ATP6V1G2: variants seen among roughly 807,000 people sequenced by gnomAD.
The protein encoded by ATP6V1G2 is ATPase H+ transporting V1 subunit G2.
A neutral mutation model predicts 17.8 loss-of-function variants in ATP6V1G2; 14 were observed. The observed-to-expected ratio is 0.79, with a 90% CI of 0.52 to 1.23. The LOEUF is 1.23. Ranked by LOEUF, ATP6V1G2 falls within the 50% of genes most tolerant of loss-of-function variation. The probability of loss-of-function intolerance (pLI) is 0.00; values close to 1 mark genes in which losing one functional copy is unlikely to be tolerated. For synonymous variants in ATP6V1G2, 57 were observed against 54.8 expected, an observed-to-expected ratio of 1.04 and a Z score of -0.17; for missense variants, 112 against 152.2, an observed-to-expected ratio of 0.74 and a Z score of 1.39.
Position 31,545,994 on chromosome 6 carries a change from C to T in ATP6V1G2, c.183+115G>A, listed in dbSNP as rs1768953102. 2.0e-6 allele frequency: 2 copies of T among 1,018,028 alleles called. No individual in the cohort carries two copies. The highest frequency in any genetic ancestry group is 1.3e-5 in the South Asian group (1 of 76,300). The allele number at this position is 1,018,028 out of a possible 1,614,324, so 63.1% of individuals were successfully genotyped here. ...CAATGTTGTGGTCCCTGCCAGGGTC[C>T]CCTCAGCCTCAGCCCTCTGCCACCA... On this transcript the variant is annotated intron_variant, in intron 2 of 2. Transcript: ENST00000303892. This position sits in a 1 kb window ranked among gnomAD's most constrained non-coding sequence, Gnocchi z 4.9.
rs2150354471 is a variant in ATP6V1G2 at position 31,545,324 on chromosome 6, A to G, written c.*84T>C. ...GATTTCTAGGGGATGGAAAGAAGAC[A>G]GGGATTATGGTGGGAGGTGATTTTG... On this transcript the variant is annotated 3_prime_UTR_variant, in exon 3 of 3. Coordinates refer to ENST00000303892, the MANE Select transcript of ATP6V1G2 (RefSeq NM_130463.4). This position sits in a 1 kb window ranked among gnomAD's most constrained non-coding sequence, Gnocchi z 4.9. The G allele has an allele frequency of 6.9e-7, 1 of 1,451,702 alleles. No individual in the cohort carries two copies. Among genetic ancestry groups the G allele is most frequent in the African/African-American group, 1.4e-5 (1 of 71,274 alleles). 89.9% of individuals were successfully genotyped at this position (1,451,702 alleles called of 1,614,324 possible).
Position 31,544,581 on chromosome 6 carries a change from T to G in ATP6V1G2, c.*827A>C, listed in dbSNP as rs1768806405. The G allele has an allele frequency of 2.5e-6, 1 of 395,586 alleles. No homozygotes were observed. Among genetic ancestry groups the G allele is most frequent in the Admixed American group, 3.1e-5 (1 of 31,954 alleles). 24.5% of individuals were successfully genotyped at this position (395,586 alleles called of 1,614,324 possible). On this transcript the variant is annotated 3_prime_UTR_variant, in exon 3 of 3. Coordinates refer to ENST00000303892, the MANE Select transcript of ATP6V1G2 (RefSeq NM_130463.4). The stretch of plus-strand genomic sequence containing the variant: ...AGGGAACACAGTATCATTTTAGATC[T>G]TAGAAAGCAATGAGCATCTGATAAG...
Position 31,545,690 on chromosome 6 carries a change from TCTCAGAAACCA to T in ATP6V1G2, c.184-120_184-110del, listed in dbSNP as rs1768923764. 2 of 1,227,124 alleles carry T rather than the reference TCTCAGAAACCA, an allele frequency of 1.6e-6. No homozygotes were observed. Among genetic ancestry groups the T allele is most frequent in the Non-Finnish European group, 2.2e-6 (2 of 900,012 alleles). The allele number at this position is 1,227,124 out of a possible 1,614,324, so 76.0% of individuals were successfully genotyped here. A position where few individuals can be genotyped will look rare whatever the true frequency, so the allele number is the denominator to read the frequency against. The stretch of plus-strand genomic sequence containing the variant: ...GAAACAAAGCCTAGAAGAAAGGCCC[TCTCAGAAACCA>T]CCCCCATCCCACAGAAATATCCCAA... On this transcript the variant is annotated intron_variant, in intron 2 of 2. Transcript: ENST00000303892. This position sits in a 1 kb window ranked among gnomAD's most constrained non-coding sequence, Gnocchi z 4.9.
In ATP6V1G2 at chr6:31,545,536, T is replaced by C. The variant is rs1289443497; in HGVS notation, c.229A>G (p.Thr77Ala). ...GNLSAEVEQA[T>A]RRQVQGMQSS... ...TGCATGCCCTGCACCTGGCGCCTTG[T>C]AGCCTGCTCCACCTCAGCAGACAGG... Residue 77 changes from threonine (T) to alanine (A), a missense_variant, in exon 3 of 3, where the codon ACA (threonine) becomes GCA (alanine). Coordinates refer to ENST00000303892, the MANE Select transcript of ATP6V1G2 (RefSeq NM_130463.4). This position sits in a 1 kb window ranked among gnomAD's most constrained non-coding sequence, Gnocchi z 4.9. The C allele has an allele frequency of 2.5e-6, 4 of 1,614,018 alleles. No individual in the cohort carries two copies. The highest frequency in any genetic ancestry group is 3.4e-6 in the Non-Finnish European group (4 of 1,179,980).
chr6:31,546,205 C>T lies in ATP6V1G2; in HGVS notation c.87G>A (p.Lys29=). 2 of 1,613,954 alleles carry T rather than the reference C, an allele frequency of 1.2e-6. No individual in the cohort carries two copies. Among genetic ancestry groups the T allele is most frequent in the Non-Finnish European group, 1.7e-6 (2 of 1,179,988 alleles). Reference sequence around the variant, plus strand: ...CCTTTGCCTGCTTCAGTCGCCGGGCCTTCCCTGGAGGCAGAAGAAAGGACA... The same window carrying T: ...CCTTTGCCTGCTTCAGTCGCCGGGCTTTCCCTGGAGGCAGAAGAAAGGACA... The part of the protein sequence containing the change: ...AEKVADARKR[K]ARRLKQAKEE... Residue 29 remains lysine, a synonymous_variant, in exon 2 of 3, where the codon AAG becomes AAA. Transcript: ENST00000303892. This position sits in a 1 kb window ranked among gnomAD's most constrained non-coding sequence, Gnocchi z 4.1.
At position 31,546,226 on chromosome 6, in the gene ATP6V1G2, G is replaced by T. The variant is rs777244593; in HGVS notation, c.83-17C>A. ...GGGCCTTCCCTGGAGGCAGAAGAAA[G>T]GACAGTGAGTGGGGATGGACCCACA... On this transcript the variant is annotated splice_polypyrimidine_tract_variant and intron_variant, in intron 1 of 2. Transcript: ENST00000303892. This position sits in a 1 kb window ranked among gnomAD's most constrained non-coding sequence, Gnocchi z 4.1. The T allele has an allele frequency of 6.2e-7, 1 of 1,611,382 alleles. No individual in the cohort carries two copies. Among genetic ancestry groups the T allele is most frequent in the South Asian group, 1.1e-5 (1 of 91,044 alleles).
rs879470278 is a variant in ATP6V1G2 at position 31,545,255 on chromosome 6, T to C, written c.*153A>G. The stretch of plus-strand genomic sequence containing the variant: ...CAAGGAGATTCAGATGTGAGCAGGA[T>C]ATTTATAAGTGTCACAGGAAAATTA... On this transcript the variant is annotated 3_prime_UTR_variant, in exon 3 of 3. Transcript: ENST00000303892. This position sits in a 1 kb window ranked among gnomAD's most constrained non-coding sequence, Gnocchi z 4.9. The C allele has an allele frequency of 4.6e-5, 40 of 878,694 alleles. No homozygotes were observed. The East Asian group carries it at 1.0e-3, about 23-fold the overall frequency. 54.4% of individuals were successfully genotyped at this position (878,694 alleles called of 1,614,324 possible). A position where few individuals can be genotyped will look rare whatever the true frequency, so the allele number is the denominator to read the frequency against.
Position 31,545,305 on chromosome 6 carries a change from T to TA in ATP6V1G2, c.*102dup. ...ATTGGATCCTGCCTCCCAGGATTTC[T>TA]AGGGGATGGAAAGAAGACAGGGATT... is the stretch of plus-strand genomic sequence containing the variant. On this transcript the variant is annotated 3_prime_UTR_variant, in exon 3 of 3. Coordinates refer to ENST00000303892, the MANE Select transcript of ATP6V1G2 (RefSeq NM_130463.4). The surrounding 1 kb of genome is among the most constrained non-coding windows in gnomAD (Gnocchi z 4.9). 10 of 1,349,978 alleles carry TA rather than the reference T, an allele frequency of 7.4e-6. No homozygotes were observed. Among genetic ancestry groups the TA allele is most frequent in the Non-Finnish European group, 9.1e-6 (9 of 993,228 alleles). The allele number at this position is 1,349,978 out of a possible 1,614,324, so 83.6% of individuals were successfully genotyped here.
rs1015822774 is a variant in ATP6V1G2 at position 31,545,750 on chromosome 6, C to G, written c.184-169G>C. 2 of 742,664 alleles carry G rather than the reference C, an allele frequency of 2.7e-6. No individual in the cohort carries two copies. The highest frequency in any genetic ancestry group is 4.3e-6 in the Non-Finnish European group (2 of 466,016). The allele number at this position is 742,664 out of a possible 1,614,324, so 46.0% of individuals were successfully genotyped here. ...AACACCAAAGAGATCAACACAGTCC[C>G]CTTTCCCCTTAGACCTAACATGCAA... On this transcript the variant is annotated intron_variant, in intron 2 of 2. Transcript: ENST00000303892. This position sits in a 1 kb window ranked among gnomAD's most constrained non-coding sequence, Gnocchi z 4.9.
chr6:31,545,251 A>G lies in ATP6V1G2; in HGVS notation c.*157T>C. On this transcript the variant is annotated 3_prime_UTR_variant, in exon 3 of 3. Coordinates refer to ENST00000303892, the MANE Select transcript of ATP6V1G2 (RefSeq NM_130463.4). The surrounding 1 kb of genome is among the most constrained non-coding windows in gnomAD (Gnocchi z 4.9). ...ACAACAAGGAGATTCAGATGTGAGC[A>G]GGATATTTATAAGTGTCACAGGAAA... is the stretch of plus-strand genomic sequence containing the variant. 1.2e-6 allele frequency: 1 copy of G among 847,582 alleles called. No homozygotes were observed. The highest frequency in any genetic ancestry group is 1.8e-6 in the Non-Finnish European group (1 of 552,624). The allele number at this position is 847,582 out of a possible 1,614,324, so 52.5% of individuals were successfully genotyped here. A position where few individuals can be genotyped will look rare whatever the true frequency, so the allele number is the denominator to read the frequency against.
chr6:31,546,233 G>A lies in ATP6V1G2; in HGVS notation c.83-24C>T, dbSNP rs1427856874. 2 of 1,600,500 alleles carry A rather than the reference G, an allele frequency of 1.2e-6. No individual in the cohort carries two copies. The highest frequency in any genetic ancestry group is 4.5e-5 in the East Asian group (2 of 44,836). On this transcript the variant is annotated intron_variant, in intron 1 of 2. Coordinates refer to ENST00000303892, the MANE Select transcript of ATP6V1G2 (RefSeq NM_130463.4). The surrounding 1 kb of genome is among the most constrained non-coding windows in gnomAD (Gnocchi z 4.1). ...CCCTGGAGGCAGAAGAAAGGACAGT[G>A]AGTGGGGATGGACCCACACACACAC... is the stretch of plus-strand genomic sequence containing the variant.
rs1768861550 is a variant in ATP6V1G2, at chr6:31,545,139, A to G, written c.*269T>C. On this transcript the variant is annotated 3_prime_UTR_variant, in exon 3 of 3. Coordinates refer to ENST00000303892, the MANE Select transcript of ATP6V1G2 (RefSeq NM_130463.4). The surrounding 1 kb of genome is among the most constrained non-coding windows in gnomAD (Gnocchi z 4.9). ...ACACTGAAGTCAGGATGTTTTCCAC[A>G]TTCCTACTTCCCCATATTACAAATT... The G allele has an allele frequency of 1.8e-6, 1 of 559,126 alleles. No homozygotes were observed. The highest frequency in any genetic ancestry group is 3.2e-6 in the Non-Finnish European group (1 of 317,276). 34.6% of individuals were successfully genotyped at this position (559,126 alleles called of 1,614,324 possible).
Position 31,545,887 on chromosome 6 carries a change from A to G in ATP6V1G2, c.183+222T>C, listed in dbSNP as rs1422296209. On this transcript the variant is annotated intron_variant, in intron 2 of 2. Transcript: ENST00000303892. The surrounding 1 kb of genome is among the most constrained non-coding windows in gnomAD (Gnocchi z 4.9). Reference sequence around the variant, plus strand: ...ACTCCACATAGATGTTATACTTTACACAGACTGTGGCATTCCGCCCACAAG... The same window carrying G: ...ACTCCACATAGATGTTATACTTTACGCAGACTGTGGCATTCCGCCCACAAG... 3.2e-6 allele frequency: 2 copies of G among 618,594 alleles called. No homozygotes were observed. Among genetic ancestry groups the G allele is most frequent in the South Asian group, 1.9e-5 (1 of 51,552 alleles). The allele number at this position is 618,594 out of a possible 1,614,324, so 38.3% of individuals were successfully genotyped here.
In ATP6V1G2 at chr6:31,545,597, A is replaced by G; in HGVS notation, c.184-16T>C. 1 of 1,611,430 alleles carries G rather than the reference A, an allele frequency of 6.2e-7. No homozygotes were observed. The highest frequency in any genetic ancestry group is 8.5e-7 in the Non-Finnish European group (1 of 1,178,942). ...AGCCCATGGCCTGGGGGGTAGGGAG[A>G]GGGGTGGAAGAGAGAAAGGGAAAAG... On this transcript the variant is annotated splice_polypyrimidine_tract_variant and intron_variant, in intron 2 of 2. Coordinates refer to ENST00000303892, the MANE Select transcript of ATP6V1G2 (RefSeq NM_130463.4). This position sits in a 1 kb window ranked among gnomAD's most constrained non-coding sequence, Gnocchi z 4.9.
Position 31,545,659 on chromosome 6 carries a change from G to T in ATP6V1G2, c.184-78C>A. 6.8e-7 allele frequency: 1 copy of T among 1,469,428 alleles called. No homozygotes were observed. The highest frequency in any genetic ancestry group is 2.3e-5 in the East Asian group (1 of 43,186). The allele number at this position is 1,469,428 out of a possible 1,614,324, so 91.0% of individuals were successfully genotyped here. A position where few individuals can be genotyped will look rare whatever the true frequency, so the allele number is the denominator to read the frequency against. On this transcript the variant is annotated intron_variant, in intron 2 of 2. Transcript: ENST00000303892. This position sits in a 1 kb window ranked among gnomAD's most constrained non-coding sequence, Gnocchi z 4.9. ...AAGGGTCCAGGCATATGAGGGGAAA[G>T]ATCCTGAAACAAAGCCTAGAAGAAA...
Position 31,544,737 on chromosome 6 carries a change from CT to C in ATP6V1G2, c.*670del, listed in dbSNP as rs1159340208. 8.8e-6 allele frequency: 4 copies of C among 456,584 alleles called. No homozygotes were observed. The Middle Eastern group carries it at 9.7e-4, about 111-fold the overall frequency. 28.3% of individuals were successfully genotyped at this position (456,584 alleles called of 1,614,324 possible). ...GAGGGGCTAAATGTAGTCATCTCCT[CT>C]TTTTGGAGATCAGAAGGTCTCTGGG... On this transcript the variant is annotated 3_prime_UTR_variant, in exon 3 of 3. Transcript: ENST00000303892.
In ATP6V1G2 at chr6:31,546,225, A is replaced by G. The variant is rs771524022; in HGVS notation, c.83-16T>C. The G allele has an allele frequency of 1.2e-6, 2 of 1,611,696 alleles. No homozygotes were observed. The highest frequency in any genetic ancestry group is 3.3e-5 in the Admixed American group (2 of 59,998). On this transcript the variant is annotated splice_polypyrimidine_tract_variant and intron_variant, in intron 1 of 2. Coordinates refer to ENST00000303892, the MANE Select transcript of ATP6V1G2 (RefSeq NM_130463.4). This position sits in a 1 kb window ranked among gnomAD's most constrained non-coding sequence, Gnocchi z 4.1. The stretch of plus-strand genomic sequence containing the variant: ...CGGGCCTTCCCTGGAGGCAGAAGAA[A>G]GGACAGTGAGTGGGGATGGACCCAC...
In ATP6V1G2 at chr6:31,546,092, A is replaced by G. The variant is rs749107418; in HGVS notation, c.183+17T>C. ...CAACTTGCAGTGGGGTCTCAACCCG[A>G]CTCTGCCTCAACTCACCGCCTGCTG... On this transcript the variant is annotated intron_variant, in intron 2 of 2. Transcript: ENST00000303892. The surrounding 1 kb of genome is among the most constrained non-coding windows in gnomAD (Gnocchi z 4.1). The G allele has an allele frequency of 1.2e-6, 2 of 1,612,562 alleles. No homozygotes were observed. Among genetic ancestry groups the G allele is most frequent in the African/African-American group, 2.7e-5 (2 of 74,410 alleles).
rs1768957399 is a variant in ATP6V1G2 at position 31,546,057 on chromosome 6, A to G, written c.183+52T>C. 1.9e-6 allele frequency: 3 copies of G among 1,574,716 alleles called. No homozygotes were observed. In the African/African-American group the frequency reaches 4.1e-5, roughly 21 times the overall value. On this transcript the variant is annotated intron_variant, in intron 2 of 2. Transcript: ENST00000303892. The surrounding 1 kb of genome is among the most constrained non-coding windows in gnomAD (Gnocchi z 4.1). ...GAGTCACCCTTACACACCTCACTAG[A>G]TGCACCCACCAACTTGCAGTGGGGT...
Sources: gnomAD v4.1 joint callset for allele counts on GRCh38, gnomAD v4.1.1 for gene constraint, Gnocchi (gnomAD v3.1) non-coding constraint, MANE v1.5 for transcripts, NCBI Gene and HGNC (gene_info 2026-07-23, HGNC 2026-07-21) for gene names.